The following KCNJ12 variants were observed in gnomAD, a reference collection of about 807,000 sequenced individuals.
KCNJ12 encodes the protein ATP-sensitive inward rectifier potassium channel 12.
A neutral mutation model predicts 22.3 loss-of-function variants in KCNJ12; 2 were observed. The ratio of observed to expected loss-of-function variants is 0.09; its 90% confidence interval spans 0.04 to 0.28. The LOEUF (loss-of-function observed/expected upper bound fraction) is 0.28. Among genes scored for constraint, KCNJ12 ranks in the 10% least tolerant of loss-of-function variants. KCNJ12 has a pLI of 1.00. For synonymous variants in KCNJ12, 117 were observed against 261.4 expected, an observed-to-expected ratio of 0.45 and a Z score of 5.33; for missense variants, 155 against 633.3, an observed-to-expected ratio of 0.24 and a Z score of 8.11.
intron 1 of KCNJ12, among the ~76,000 whole-genome samples, chr17:21,406,706 A>G (rs1432802517): frequency 6.6e-6 from 1 of 152,306 alleles, no homozygotes; most frequent in Non-Finnish European, 1.5e-5. Flanking sequence ...CCTCTAAACC[A>G]CTGTCACCTG....
rs559789226 is a variant in KCNJ12 at position 21,391,275 on chromosome 17, G to C, written c.-179+14362G>C. 2.6e-5 allele frequency among the ~76,000 whole-genome samples: 4 copies of C among 152,342 alleles called. No homozygotes were observed. The South Asian group carries it at 8.3e-4, about 32-fold the overall frequency. On this transcript the variant is annotated intron_variant, in intron 1 of 2. Transcript: ENST00000583088. ...TGGAACACAGGTTCCCTTGGATGCC[G>C]GTTTCCAGATCTCTCCATGTACCTA...
intron 1 of KCNJ12, among the ~76,000 whole-genome samples, chr17:21,382,017 C>T (rs1296244457): frequency 6.6e-6 from 1 of 152,214 alleles, no homozygotes; most frequent in Non-Finnish European, 1.5e-5. Context: ...AGGTCACTGT[C>T]CAAGAACTGT....
At chr17:21,377,333 T>G (rs1240313538) in intron 1 of KCNJ12, among the ~76,000 whole-genome samples, 4 of 151,582 alleles carry the variant, frequency 2.6e-5, no homozygotes, top group Non-Finnish European at 4.4e-5. Flanking sequence ...CGAGGTGGGG[T>G]TCGGAGGTGG....
chr17:21,394,829 C>T (rs1285630530), intron 1 of KCNJ12, among the ~76,000 whole-genome samples: 6 of 152,136 alleles, frequency 3.9e-5, no homozygotes, highest in African/African-American at 1.4e-4. Flanking sequence ...CAGGGGTAAA[C>T]CATTAGAAAT....
chr17:21,397,468 C>T (rs1467366940), intron 1 of KCNJ12, among the ~76,000 whole-genome samples: 2 of 152,194 alleles, frequency 1.3e-5, no homozygotes, highest in South Asian at 2.1e-4. Flanking sequence ...ATAAATAGCA[C>T]GCGATGTTTT....
At chr17:21,400,143 T>A (rs1441789725) in intron 1 of KCNJ12, among the ~76,000 whole-genome samples, 1 of 152,216 alleles carries the variant, frequency 6.6e-6, no homozygotes, top group Non-Finnish European at 1.5e-5. Flanking sequence ...CAGCCAGTGC[T>A]TCCAGACCCT....
intron 1 of KCNJ12, among the ~76,000 whole-genome samples, chr17:21,397,843 A>G (rs973088509): frequency 6.6e-6 from 1 of 152,212 alleles, no homozygotes; most frequent in Admixed American, 6.5e-5. Flanking sequence ...GACAGCGCAC[A>G]GCAGGGATTA....
At chr17:21,381,176 C>T (rs1302084401) in intron 1 of KCNJ12, among the ~76,000 whole-genome samples, 1 of 152,204 alleles carries the variant, frequency 6.6e-6, no homozygotes, top group African/African-American at 2.4e-5. Context: ...CTGACTCCCC[C>T]TGCCCACCTG....
intron 2 of KCNJ12, among the ~76,000 whole-genome samples, chr17:21,411,329 G>T (rs1906332537): frequency 6.6e-6 from 1 of 152,308 alleles, no homozygotes. Flanking sequence ...CTGGTCGCTG[G>T]GAGGCTGCGT....
At chr17:21,394,752 C>T (rs971569906) in intron 1 of KCNJ12, among the ~76,000 whole-genome samples, 1 of 152,190 alleles carries the variant, frequency 6.6e-6, no homozygotes, top group Non-Finnish European at 1.5e-5. Context: ...CTGGCATAGG[C>T]ACCCTGGGAG....
intron 1 of KCNJ12, among the ~76,000 whole-genome samples, chr17:21,391,429 CCA>C (rs1330881866): frequency 6.6e-6 from 1 of 152,220 alleles, no homozygotes; most frequent in African/African-American, 2.4e-5. Flanking sequence ...TACCCCCGGA[CCA>C]CAGACCTCCT....
In KCNJ12 at chr17:21,379,086, G is replaced by T. The variant is rs1597549618; in HGVS notation, c.-179+2173G>T. On this transcript the variant is annotated intron_variant, in intron 1 of 2. Coordinates refer to ENST00000583088, the MANE Select transcript of KCNJ12 (RefSeq NM_021012.5). ...CCATCCCTGGGTCTCCTTGAAGCAG[G>T]ACAAAGTAACACTGAGTGGCCCTGC... 2.0e-5 allele frequency among the ~76,000 whole-genome samples: 3 copies of T among 152,340 alleles called. No homozygotes were observed. In the East Asian group the frequency reaches 5.8e-4, roughly 29 times the overall value.
intron 1 of KCNJ12, among the ~76,000 whole-genome samples, chr17:21,390,031 G>A (rs1400584049): frequency 6.6e-6 from 1 of 151,954 alleles, no homozygotes; most frequent in African/African-American, 2.4e-5. Flanking sequence ...TCTCTTTCTC[G>A]GGCCCAGCTC....
intron 1 of KCNJ12, among the ~76,000 whole-genome samples, chr17:21,379,686 G>A (rs1904798355): frequency 6.6e-6 from 1 of 152,060 alleles, no homozygotes; most frequent in Admixed American, 6.5e-5. Flanking sequence ...AACTGGCAGC[G>A]TGATGGGGAC....
chr17:21,378,324 G>A (rs1392305205), intron 1 of KCNJ12, among the ~76,000 whole-genome samples: 3 of 152,204 alleles, frequency 2.0e-5, no homozygotes, highest in Non-Finnish European at 1.5e-5. Context: ...CGCTCTTTTT[G>A]AGGGGTACTC....
chr17:21,395,568 C>CAAAAAAAAAAAAAAAAAAAA (rs10652801), intron 1 of KCNJ12, among the ~76,000 whole-genome samples: 104 of 48,062 alleles, frequency 2.2e-3, no homozygotes, highest in East Asian at 7.7e-3. Context: ...GACTTCTTCT[C>CAAAAAAAAAAAAAAAAAAAA]AAAAAAAAAA....
At chr17:21,390,685 T>C (rs1555559210) in intron 1 of KCNJ12, among the ~76,000 whole-genome samples, 1 of 152,204 alleles carries the variant, frequency 6.6e-6, no homozygotes, top group Non-Finnish European at 1.5e-5. Context: ...CAGAGTTTGG[T>C]TGTGGCTCTG....
chr17:21,397,600 G>A (rs767635593), intron 1 of KCNJ12, among the ~76,000 whole-genome samples: 1 of 152,252 alleles, frequency 6.6e-6, no homozygotes, highest in Admixed American at 6.5e-5. Context: ...CTGGGCTAAT[G>A]CACTGGCCAC....
At chr17:21,386,438 C>G (rs1905072390) in intron 1 of KCNJ12, among the ~76,000 whole-genome samples, 2 of 152,206 alleles carry the variant, frequency 1.3e-5, no homozygotes, top group Non-Finnish European at 2.9e-5. Context: ...CCTTAATCTC[C>G]CAAGTAGCTG....
Sources: gnomAD v4.1 joint callset for allele counts (sites outside exome capture counted in the v4.1 genomes callset) on GRCh38, gnomAD v4.1.1 for gene constraint, MANE v1.5 for transcripts, NCBI Gene and HGNC (gene_info 2026-07-23, HGNC 2026-07-21) for gene names.